Variants in LILRB4 observed in about 807,000 individuals in gnomAD.
LILRB4 encodes the protein leukocyte immunoglobulin-like receptor subfamily B member 4.
In LILRB4, 49 loss-of-function variants were observed where a neutral mutation model predicts 55.2. The observed-to-expected ratio is 0.89, with a 90% CI of 0.71 to 1.13. The LOEUF is 1.13. Among genes scored for constraint, LILRB4 ranks in the 50% most tolerant of loss-of-function variants. The probability of loss-of-function intolerance (pLI) is 0.00; values close to 1 mark genes in which losing one functional copy is unlikely to be tolerated. For missense variants in LILRB4, 590 were observed against 555.2 expected, an observed-to-expected ratio of 1.06 and a Z score of -0.63; for synonymous variants, 229 against 213.8, an observed-to-expected ratio of 1.07 and a Z score of -0.62.
chr19:54,664,965 G>T, intron 5 of LILRB4, 116 bp downstream of exon 5: 1 of 1,362,262 alleles, frequency 7.3e-7, no homozygotes, highest in Non-Finnish European at 1.0e-6. Flanking sequence ...TTCCACGGGT[G>T]TGGGAGTCGG....
Position 54,663,084 on chromosome 19 carries a change from G to C in LILRB4, c.34+17G>C. ...TCTGCCTCGGTGAGATTTAAAGAGG[G>C]GGAGGGGAGACCCGAGTCTTGGAGG... On this transcript the variant is annotated intron_variant, in intron 1 of 11. Transcript: ENST00000430952. 6.2e-7 allele frequency: 1 copy of C among 1,606,414 alleles called. No homozygotes were observed. The highest frequency in any genetic ancestry group is 8.5e-7 in the Non-Finnish European group (1 of 1,175,362).
chr19:54,664,795 C>T lies in LILRB4; in HGVS notation c.656-4C>T. On this transcript the variant is annotated splice_region_variant and splice_polypyrimidine_tract_variant and intron_variant, in intron 4 of 11. Coordinates refer to ENST00000430952, the Ensembl canonical transcript of LILRB4. ...TCTCACCCTCCTCTTGTCCTTCTAC[C>T]CAGGATCCTTGGAGGGTCCCAGGCC... 1 of 1,582,346 alleles carries T rather than the reference C, an allele frequency of 6.3e-7. No individual in the cohort carries two copies. The highest frequency in any genetic ancestry group is 2.2e-5 in the East Asian group (1 of 44,624).
Position 54,663,859 on chromosome 19 carries a change from G to A in LILRB4, c.176G>A (p.Arg59His), listed in dbSNP as rs377613190. 98 of 1,614,006 alleles carry A rather than the reference G, an allele frequency of 6.1e-5. 1 individual carries two copies. The highest frequency in any genetic ancestry group is 1.5e-4 in the South Asian group (14 of 91,080). The change falls in exon 3 of 12, where the codon CGT becomes CAT. Residue 59 changes from arginine (R) to histidine (H), a missense_variant. Physicochemically the swap from Arg to His is conservative, Grantham distance 29 (BLOSUM62 0). Coordinates refer to ENST00000430952, the Ensembl canonical transcript of LILRB4. The stretch of plus-strand genomic sequence containing the variant: ...GGGACCCTGGAGGCTCGGGAGTACC[G>A]TCTGGATAAAGAGGAAAGCCCAGCA...
chr19:54,664,951 T>A, intron 5 of LILRB4, 102 bp downstream of exon 5: 1 of 1,398,218 alleles, frequency 7.2e-7, no homozygotes, highest in Non-Finnish European at 1.0e-6. Context: ...TCAGCTGGGC[T>A]TGCTTCCACG....
chr19:54,667,404 G>A (rs548010912), intron 10 of LILRB4: 79 of 845,144 alleles, frequency 9.3e-5, no homozygotes, highest in South Asian at 4.6e-4. Context: ...AGGCAGCAGC[G>A]AGCTCTTGCA....
rs772714646 is a variant in LILRB4, at chr19:54,666,655, G to A, written c.989-42G>A. The A allele has an allele frequency of 6.2e-6, 10 of 1,604,256 alleles. No individual in the cohort carries two copies. The highest frequency in any genetic ancestry group is 1.3e-5 in the African/African-American group (1 of 74,870). ...GACCAGCAGGAATGAGAGGTCCCAG[G>A]GAACCTTCCCAGGAGATGAACCCCT... On this transcript the variant is annotated intron_variant, in intron 9 of 11. Transcript: ENST00000430952. The surrounding 1 kb of genome is among the most constrained non-coding windows in gnomAD (Gnocchi z 4.8).
rs368592848 is a variant in LILRB4 at position 54,664,862 on chromosome 19, G to A, written c.706+13G>A. The A allele has an allele frequency of 3.7e-6, 6 of 1,611,920 alleles. No homozygotes were observed. In the African/African-American group the frequency reaches 8.0e-5, roughly 22 times the overall value. On this transcript the variant is annotated intron_variant, in intron 5 of 11. Coordinates refer to ENST00000430952, the Ensembl canonical transcript of LILRB4. ...GTCTCAACAGCTGGTGAGTCTCAGA[G>A]GCCTCTGTCCAGAGAGTTTCCAAAG...
Position 54,665,330 on chromosome 19 carries a change from G to A in LILRB4, c.757+150G>A. The A allele has an allele frequency of 2.3e-6, 3 of 1,299,208 alleles. No individual in the cohort carries two copies. Among genetic ancestry groups the A allele is most frequent in the East Asian group, 6.1e-5 (2 of 32,722 alleles). 80.5% of individuals were successfully genotyped at this position (1,299,208 alleles called of 1,614,324 possible). A position where few individuals can be genotyped will look rare whatever the true frequency, so the allele number is the denominator to read the frequency against. Reference sequence around the variant, plus strand: ...GTTTCTCCAAGTGTAAAGGAGAGAGGCCTGCGGGTGGGAAAGTTCCTTTCA... The same window carrying A: ...GTTTCTCCAAGTGTAAAGGAGAGAGACCTGCGGGTGGGAAAGTTCCTTTCA... On this transcript the variant is annotated intron_variant, in intron 6 of 11. Transcript: ENST00000430952. The surrounding 1 kb of genome is among the most constrained non-coding windows in gnomAD (Gnocchi z 5.5).
rs1359430669 is a variant in LILRB4 at position 54,665,207 on chromosome 19, T to A, written c.757+27T>A. The A allele has an allele frequency of 6.3e-7, 1 of 1,577,874 alleles. No individual in the cohort carries two copies. The highest frequency in any genetic ancestry group is 8.6e-7 in the Non-Finnish European group (1 of 1,159,968). ...TGAGTGAGGGGCTCTGAGTGGGAGGTGGGCAGGGTCTAGGGGAGCCAAGGG... is the reference window on the plus strand; with the variant it reads ...TGAGTGAGGGGCTCTGAGTGGGAGGAGGGCAGGGTCTAGGGGAGCCAAGGG... On this transcript the variant is annotated intron_variant, in intron 6 of 11. Transcript: ENST00000430952. This position sits in a 1 kb window ranked among gnomAD's most constrained non-coding sequence, Gnocchi z 5.5.
At position 54,665,971 on chromosome 19, in the gene LILRB4, T is replaced by C. The variant is rs747006962; in HGVS notation, c.874+40T>C. 1.2e-6 allele frequency: 2 copies of C among 1,612,744 alleles called. No homozygotes were observed. Among genetic ancestry groups the C allele is most frequent in the Non-Finnish European group, 1.7e-6 (2 of 1,179,326 alleles). On this transcript the variant is annotated intron_variant, in intron 7 of 11. Transcript: ENST00000430952. The surrounding 1 kb of genome is among the most constrained non-coding windows in gnomAD (Gnocchi z 5.5). ...GGGGGACCCGTGGGCTGATGGAGGG[T>C]GGGCTCAGGGCACCAGCCAAAGGGA...
Position 54,666,785 on chromosome 19 carries a change from T to G in LILRB4, c.1041+36T>G. The G allele has an allele frequency of 3.8e-6, 6 of 1,581,674 alleles. No individual in the cohort carries two copies. Among genetic ancestry groups the G allele is most frequent in the Non-Finnish European group, 4.3e-6 (5 of 1,150,684 alleles). Reference sequence around the variant, plus strand: ...GCCCCTGTCCCCGGCACCAAAGGCCTCCTGGTGCCAGATCTAATCCTGCAG... The same window carrying G: ...GCCCCTGTCCCCGGCACCAAAGGCCGCCTGGTGCCAGATCTAATCCTGCAG... On this transcript the variant is annotated intron_variant, in intron 10 of 11. Transcript: ENST00000430952. This position sits in a 1 kb window ranked among gnomAD's most constrained non-coding sequence, Gnocchi z 4.8.
Position 54,666,391 on chromosome 19 carries a change from TC to T in LILRB4, c.951-3del. 6.2e-7 allele frequency: 1 copy of T among 1,613,826 alleles called. No individual in the cohort carries two copies. The highest frequency in any genetic ancestry group is 8.5e-7 in the Non-Finnish European group (1 of 1,179,828). On this transcript the variant is annotated splice_polypyrimidine_tract_variant and splice_region_variant and intron_variant, in intron 8 of 11. Coordinates refer to ENST00000430952, the Ensembl canonical transcript of LILRB4. This position sits in a 1 kb window ranked among gnomAD's most constrained non-coding sequence, Gnocchi z 4.8. ...ACTGTCCCCTTACACTCCCGTATCC[TC>T]CCCCAGGTCCAGCCCAGCTGCTGAC...
At position 54,667,646 on chromosome 19, in the gene LILRB4, C is replaced by G. The variant is rs61738932; in HGVS notation, c.1050C>G (p.His350Gln). 5 of 1,611,376 alleles carry G rather than the reference C, an allele frequency of 3.1e-6. No homozygotes were observed. In the South Asian group the frequency reaches 4.4e-5, roughly 14 times the overall value. Residue 350 changes from histidine (H) to glutamine (Q), a missense_variant, in exon 11 of 12, where the codon CAC (histidine) becomes CAG (glutamine). By Grantham distance (24) the His-to-Gln change is conservative. Coordinates refer to ENST00000430952, the Ensembl canonical transcript of LILRB4. ...CTGTCTCTCTCCAGCAGAGCCCACA[C>G]GATGAAGACCCCCAGGCAGTGACGT...
Position 54,664,505 on chromosome 19 carries a change from C to A in LILRB4, c.655+20C>A, listed in dbSNP as rs576054898. Reference sequence around the variant, plus strand: ...TCTCAGGTGAGGCTCCTGACCCTGTCCTCTCTGAGCTCAGTGGCTCCGTTC... The same window carrying A: ...TCTCAGGTGAGGCTCCTGACCCTGTACTCTCTGAGCTCAGTGGCTCCGTTC... On this transcript the variant is annotated intron_variant, in intron 4 of 11. Coordinates refer to ENST00000430952, the Ensembl canonical transcript of LILRB4. The A allele has an allele frequency of 4.7e-5, 74 of 1,577,100 alleles. No homozygotes were observed. The South Asian group carries it at 8.5e-4, about 18-fold the overall frequency.
exon 4 of LILRB4, chr19:54,664,424 A>G (rs1490447456): frequency 3.7e-6 from 6 of 1,607,888 alleles, no homozygotes; most frequent in Admixed American, 1.7e-5. Context: ...GCTTCAGCTC[A>G]CACGGCTTCT....
exon 12 of LILRB4, chr19:54,668,010 C>T (rs776414487): frequency 1.2e-6 from 2 of 1,614,122 alleles, no homozygotes; most frequent in East Asian, 2.2e-5. Context: ...CCACTCTGGC[C>T]ATCCACTAAT....
At chr19:54,663,131 C>T (rs2065078421) in intron 1 of LILRB4, 64 bp downstream of exon 1, 1 of 1,565,384 alleles carries the variant, frequency 6.4e-7, no homozygotes, top group South Asian at 1.2e-5. Context: ...ACAGCCAGGC[C>T]CTGGTTCTTT....
At chr19:54,668,436 T>TA (rs1227099442), downstream of LILRB4, 1 of 173,816 alleles carries the variant, frequency 5.8e-6, no homozygotes, top group Non-Finnish European at 1.2e-5. Context: ...ATGAGAAAAA[T>TA]AAAAATGAAA....
rs1347287456 is a variant in LILRB4 at position 54,667,820 on chromosome 19, AG to A, written c.1197+29del. 15 of 1,547,366 alleles carry A rather than the reference AG, an allele frequency of 9.7e-6. No homozygotes were observed. The African/African-American group carries it at 2.4e-4, about 25-fold the overall frequency. Reference sequence around the variant, plus strand: ...TGAGTCCTTTCCTCTCCAGGCCCCCAGGCCTCCCCCACCCCCACCACGTTCC... The same window carrying A: ...TGAGTCCTTTCCTCTCCAGGCCCCCAGCCTCCCCCACCCCCACCACGTTCC... On this transcript the variant is annotated intron_variant, in intron 11 of 11. Transcript: ENST00000430952.
Sources: gnomAD v4.1 joint callset for allele counts on GRCh38, gnomAD v4.1.1 for gene constraint, Gnocchi (gnomAD v3.1) non-coding constraint, MANE v1.5 for transcripts, NCBI Gene and HGNC (gene_info 2026-07-23, HGNC 2026-07-21) for gene names.